TSEN2: variants seen among roughly 807,000 people sequenced by gnomAD.
TSEN2 encodes the protein tRNA-splicing endonuclease subunit Sen2.
Under a neutral mutation model 59.2 loss-of-function variants are expected in TSEN2, and 54 were observed. The ratio of observed to expected loss-of-function variants is 0.91; its 90% confidence interval spans 0.73 to 1.14. TSEN2 has a LOEUF of 1.14. Ranked by LOEUF, TSEN2 falls within the 50% of genes most tolerant of loss-of-function variation. The pLI is 0.00. For synonymous variants in TSEN2, 195 were observed against 198.2 expected, an observed-to-expected ratio of 0.98 and a Z score of 0.14; for missense variants, 636 against 576.2, an observed-to-expected ratio of 1.10 and a Z score of -1.06.
chr3:12,487,531 A>G (rs909989354), intron 1 of TSEN2, among the ~76,000 whole-genome samples: 2 of 151,580 alleles, frequency 1.3e-5, no homozygotes, highest in African/African-American at 2.4e-5. Context: ...TGTAATGTAT[A>G]TAAGTCAGCT....
intron 8 of TSEN2, among the ~76,000 whole-genome samples, chr3:12,521,146 C>T (rs563530620): frequency 6.6e-6 from 1 of 152,292 alleles, no homozygotes; most frequent in South Asian, 2.1e-4. Flanking sequence ...GCCTAGTATT[C>T]CACTGCATCC....
At chr3:12,531,699 C>A in intron 11 of TSEN2, 40 bp downstream of exon 11, 1 of 1,321,696 alleles carries the variant, frequency 7.6e-7, no homozygotes, top group South Asian at 1.2e-5. Flanking sequence ...CCCAAAGATT[C>A]TGTGAATCAT....
At position 12,532,773 on chromosome 3, in the gene TSEN2, G is replaced by A; in HGVS notation, c.*52G>A. On this transcript the variant is annotated 3_prime_UTR_variant, in exon 12 of 12. Coordinates refer to ENST00000284995, the MANE Select transcript of TSEN2 (RefSeq NM_025265.4). ...ACCAACAACTATTTATTGAGGGCTA[G>A]GTAAAAAGTTCTTTTTGTTGTAATC... 6.4e-7 allele frequency: 1 copy of A among 1,571,068 alleles called. No individual in the cohort carries two copies. The highest frequency in any genetic ancestry group is 8.8e-7 in the Non-Finnish European group (1 of 1,141,564).
chr3:12,532,640 T>G, intron 11 of TSEN2, 22 bp from the exon 12 acceptor site: 1 of 1,612,106 alleles, frequency 6.2e-7, no homozygotes, highest in East Asian at 2.2e-5. Context: ...TAAGAAATGG[T>G]CTTTTTTTTT....
chr3:12,534,782 C>T (rs375809242), downstream of TSEN2, among the ~76,000 whole-genome samples: 19 of 134,364 alleles, frequency 1.4e-4, no homozygotes, highest in East Asian at 2.0e-3. Context: ...CCAGCCAGGG[C>T]GACAGAGCGA....
At chr3:12,517,643 C>G (rs920942478) in intron 7 of TSEN2, among the ~76,000 whole-genome samples, 3 of 152,182 alleles carry the variant, frequency 2.0e-5, no homozygotes, top group African/African-American at 7.2e-5. Context: ...AATCAGTCAT[C>G]AAATTCTGAT....
intron 8 of TSEN2, among the ~76,000 whole-genome samples, chr3:12,520,797 A>T (rs918568679): frequency 1.1e-4 from 16 of 151,930 alleles, no homozygotes; most frequent in East Asian, 3.9e-4. Flanking sequence ...AAAAAAAAAA[A>T]TTTTTAGGTT....
chr3:12,483,334 G>A (rs1347123704), upstream of TSEN2, among the ~76,000 whole-genome samples: 2 of 152,214 alleles, frequency 1.3e-5, no homozygotes, highest in Non-Finnish European at 2.9e-5. Context: ...TAAGTGAGCT[G>A]AGATGGTGCC....
chr3:12,521,073 AT>A (rs2056598883), intron 8 of TSEN2, among the ~76,000 whole-genome samples: 1 of 152,206 alleles, frequency 6.6e-6, no homozygotes, highest in African/African-American at 2.4e-5. Context: ...TTTGCTAAGG[AT>A]AACAGCCTCC....
intron 8 of TSEN2, among the ~76,000 whole-genome samples, chr3:12,521,171 G>A (rs1246674631): frequency 1.3e-5 from 2 of 152,174 alleles, no homozygotes; most frequent in African/African-American, 4.8e-5. Context: ...ATCTTAAAGT[G>A]AGGGTCTGGA....
At chr3:12,517,416 G>A (rs1334305148) in intron 7 of TSEN2, among the ~76,000 whole-genome samples, 3 of 148,500 alleles carry the variant, frequency 2.0e-5, no homozygotes, top group Non-Finnish European at 4.4e-5. Context: ...AATAAATAAT[G>A]TACCCAAAGT....
At chr3:12,495,956 C>T (rs2053705882) in intron 3 of TSEN2, among the ~76,000 whole-genome samples, 1 of 152,198 alleles carries the variant, frequency 6.6e-6, no homozygotes, top group African/African-American at 2.4e-5. Context: ...CAGGAGCCCG[C>T]CTGTCAGAAC....
upstream of TSEN2, among the ~76,000 whole-genome samples, chr3:12,482,105 G>A (rs17279604): frequency 6.6e-6 from 1 of 152,180 alleles, no homozygotes; most frequent in Admixed American, 6.5e-5. Flanking sequence ...AGATACCAAA[G>A]GTTGAAGGTT....
chr3:12,522,259 G>A (rs2056707329), intron 8 of TSEN2, among the ~76,000 whole-genome samples: 1 of 152,140 alleles, frequency 6.6e-6, no homozygotes, highest in Non-Finnish European at 1.5e-5. Context: ...TGGATAGATG[G>A]ATGGACAGAT....
intron 6 of TSEN2, among the ~76,000 whole-genome samples, chr3:12,506,014 G>C (rs1390672494): frequency 6.6e-6 from 1 of 152,108 alleles, no homozygotes; most frequent in East Asian, 1.9e-4. Context: ...GATGCTGACT[G>C]GTGATGCCGG....
At chr3:12,496,005 T>C (rs1408544987) in intron 3 of TSEN2, among the ~76,000 whole-genome samples, 2 of 152,098 alleles carry the variant, frequency 1.3e-5, no homozygotes, top group Non-Finnish European at 2.9e-5. Context: ...TAACTTGAGG[T>C]CAAGCCAGTT....
At chr3:12,480,608 G>A (rs2124840405), upstream of TSEN2, among the ~76,000 whole-genome samples, 1 of 131,382 alleles carries the variant, frequency 7.6e-6, no homozygotes, top group East Asian at 2.2e-4. Context: ...TCCGCTCACT[G>A]TAACCTCTGC....
At chr3:12,516,292 G>A (rs1485971069) in intron 6 of TSEN2, among the ~76,000 whole-genome samples, 10 of 152,232 alleles carry the variant, frequency 6.6e-5, no homozygotes, top group East Asian at 1.9e-4. Flanking sequence ...CGGGCGTGGC[G>A]GCGGGCGCCT....
chr3:12,480,540 T>TGTTTGTTTTTG (rs1301084410), upstream of TSEN2, among the ~76,000 whole-genome samples: 2 of 143,778 alleles, frequency 1.4e-5, no homozygotes, highest in African/African-American at 5.2e-5. Flanking sequence ...TTTTTTTTTT[T>TGTTTGTTTTTG]TTTTTTTTTT....
Sources: allele counts gnomAD v4.1 joint callset (sites outside exome capture counted in the v4.1 genomes callset), GRCh38; gene constraint gnomAD v4.1.1; transcripts MANE v1.5; gene names NCBI Gene and HGNC (gene_info 2026-07-23, HGNC 2026-07-21).